ABCB11: variants seen among roughly 807,000 people sequenced by gnomAD.
The protein encoded by ABCB11 is bile salt export pump.
A neutral mutation model predicts 148.0 loss-of-function variants in ABCB11; 95 were observed. The ratio of observed to expected loss-of-function variants is 0.64; its 90% CI spans 0.54 to 0.76. The LOEUF (loss-of-function observed/expected upper bound fraction) is 0.76, where lower values mean the gene tolerates loss of function less well. Ranked by LOEUF, ABCB11 falls within the 30% of genes least tolerant of loss-of-function variation. The probability of loss-of-function intolerance (pLI) is 0.00; values close to 1 mark genes in which losing one functional copy is unlikely to be tolerated. For synonymous variants in ABCB11, 591 were observed against 555.4 expected (o/e 1.06, Z -0.90); for missense variants, 1,523 against 1,617.8 (o/e 0.94, Z 1.01).
rs1693922258 is a variant in ABCB11 at position 168,976,703 on chromosome 2, A to G, written c.1198-16T>C. 2.6e-6 allele frequency: 4 copies of G among 1,511,176 alleles called. No individual in the cohort carries two copies. In the African/African-American group the frequency reaches 5.5e-5, roughly 21 times the overall value. 93.6% of individuals were successfully genotyped at this position (1,511,176 alleles called of 1,614,324 possible). On this transcript the variant is annotated splice_polypyrimidine_tract_variant and intron_variant, in intron 11 of 27. Transcript: ENST00000650372. Reference sequence around the variant, plus strand: ...TGATGGGTTTCTGGAGTGAAATACAAAAGGGACACAGTGTAAACTCAAACT... The same window carrying G: ...TGATGGGTTTCTGGAGTGAAATACAGAAGGGACACAGTGTAAACTCAAACT...
intron 17 of ABCB11, among the ~76,000 whole-genome samples, chr2:168,967,086 G>A (rs1313383348): frequency 6.6e-6 from 1 of 151,834 alleles, no homozygotes; most frequent in African/African-American, 2.4e-5. Context: ...CTTTAACCTA[G>A]TGACCAAAAG....
chr2:168,963,772 A>G (rs552560510), intron 18 of ABCB11, among the ~76,000 whole-genome samples: 1 of 151,948 alleles, frequency 6.6e-6, no homozygotes, highest in African/African-American at 2.4e-5. Flanking sequence ...CTATTCAAAC[A>G]CTTTTGTTGA....
At chr2:168,967,852 A>G (rs1474016600) in intron 17 of ABCB11, among the ~76,000 whole-genome samples, 2 of 151,960 alleles carry the variant, frequency 1.3e-5, no homozygotes, top group African/African-American at 4.8e-5. Flanking sequence ...ATACTCCAAA[A>G]ATATATTTTG....
At chr2:168,969,299 T>A (rs1333421103) in intron 16 of ABCB11, 51 bp downstream of exon 16, 1 of 1,493,730 alleles carries the variant, frequency 6.7e-7, no homozygotes, top group Admixed American at 1.9e-5. Flanking sequence ...TAAAGCACTA[T>A]AGACATTAAC....
intron 6 of ABCB11, 29 bp from the exon 7 acceptor site, chr2:168,995,511 T>C (rs1694684864): frequency 6.3e-7 from 1 of 1,590,516 alleles, no homozygotes; most frequent in Non-Finnish European, 8.5e-7. Context: ...ATGTTTAGCA[T>C]TGCAATGTTT....
At chr2:168,954,785 G>A (rs1293721274) in intron 19 of ABCB11, among the ~76,000 whole-genome samples, 1 of 151,614 alleles carries the variant, frequency 6.6e-6, no homozygotes, top group East Asian at 1.9e-4. Context: ...AGACTTGGGA[G>A]GTTGTTATTG....
At chr2:168,918,949 A>T (rs1052028005), downstream of ABCB11, among the ~76,000 whole-genome samples, 12 of 152,120 alleles carry the variant, frequency 7.9e-5, no homozygotes, top group Non-Finnish European at 1.8e-4. Flanking sequence ...TCAATGAAAG[A>T]TATATATGTA....
chr2:168,936,953 A>T (rs1284185825), intron 21 of ABCB11, among the ~76,000 whole-genome samples: 2 of 152,098 alleles, frequency 1.3e-5, no homozygotes, highest in Admixed American at 6.6e-5. Flanking sequence ...CAGTGGCATA[A>T]TTATGGCTCA....
chr2:168,927,340 T>C lies in ABCB11; in HGVS notation c.3434A>G (p.Lys1145Arg). 1 of 1,613,854 alleles carries C rather than the reference T, an allele frequency of 6.2e-7. No individual in the cohort carries two copies. ...GKVMIDGHDS[K>R]KVNVQFLRSN... ...GCGGAGGAACTGGACATTTACTTTT[T>C]TGCTGTCATGACCATCTATCATCTG... The change falls in exon 26 of 28, where the codon AAA (lysine) becomes AGA (arginine). Residue 1145 changes from lysine (K) to arginine (R), a missense_variant. Physicochemically the swap from Lys to Arg is conservative, Grantham distance 26 (BLOSUM62 2). Coordinates refer to ENST00000650372, the MANE Select transcript of ABCB11 (RefSeq NM_003742.4).
intron 5 of ABCB11, among the ~76,000 whole-genome samples, chr2:169,008,021 T>C (rs940706461): frequency 6.6e-6 from 1 of 152,182 alleles, no homozygotes; most frequent in Non-Finnish European, 1.5e-5. Context: ...TGAATAGATA[T>C]TTTTCTGAAG....
intron 10 of ABCB11, among the ~76,000 whole-genome samples, chr2:168,982,152 A>G (rs1208423638): frequency 6.6e-6 from 1 of 152,104 alleles, no homozygotes; most frequent in East Asian, 1.9e-4. Context: ...ACTGCTGTGG[A>G]ACAATTAAGC....
chr2:168,994,530 T>TA (rs893025139), intron 7 of ABCB11, among the ~76,000 whole-genome samples: 2 of 151,992 alleles, frequency 1.3e-5, no homozygotes, highest in African/African-American at 4.8e-5. Flanking sequence ...CCCCAATGGG[T>TA]AATAATGAGG....
Position 168,995,389 on chromosome 2 carries a change from C to G in ABCB11, c.571G>C (p.Asp191His), listed in dbSNP as rs1429566051. ...TTCAGCTCCCCCACTGAATTGCAGT[C>G]AAACCACCCTATTTCCATTCTCATT... Reference protein sequence around the residue: ...RIMRMEIGWFDCNSVGELNTR... With the variant: ...RIMRMEIGWFHCNSVGELNTR... Residue 191 changes from aspartate to histidine, a missense_variant, in exon 7 of 28, where the codon GAC becomes CAC. Asp to His is a moderately conservative substitution (Grantham distance 81, BLOSUM62 -1). Coordinates refer to ENST00000650372, the MANE Select transcript of ABCB11 (RefSeq NM_003742.4). The G allele has an allele frequency of 1.2e-6, 2 of 1,612,366 alleles. No homozygotes were observed. The highest frequency in any genetic ancestry group is 2.7e-5 in the African/African-American group (2 of 74,792).
intron 7 of ABCB11, 127 bp downstream of exon 7, chr2:168,995,222 G>T (rs1013492700): frequency 8.2e-5 from 92 of 1,126,566 alleles, no homozygotes; most frequent in Non-Finnish European, 1.1e-4. Context: ...TGCCACATAT[G>T]AAAGCCCAAT....
chr2:168,956,257 C>T (rs1017880294), intron 19 of ABCB11, among the ~76,000 whole-genome samples: 1 of 151,644 alleles, frequency 6.6e-6, no homozygotes, highest in African/African-American at 2.4e-5. Context: ...GATCCAATTA[C>T]CTCCCACCAG....
rs760920706 is a variant in ABCB11, at chr2:169,013,381, C to T, written c.280G>A (p.Asp94Asn). 124 of 1,613,644 alleles carry T rather than the reference C, an allele frequency of 7.7e-5. 3 individuals are homozygous for T. The South Asian group carries it at 1.2e-3, about 16-fold the overall frequency. Residue 94 changes from aspartate (D) to asparagine (N), a missense_variant, in exon 5 of 28, where the codon GAC (aspartate) becomes AAC (asparagine). Coordinates refer to ENST00000650372, the MANE Select transcript of ABCB11 (RefSeq NM_003742.4). ...GTMTDVFIDYDVELQELQIPG... is the reference protein window; with the variant it reads ...GTMTDVFIDYNVELQELQIPG... ...ATCTGGAGTTCTTGTAACTCAACGT[C>T]GTAGTCAATAAAAACATCTGTCATT...
chr2:168,957,443 G>A (rs114596828), intron 19 of ABCB11, among the ~76,000 whole-genome samples: 1 of 151,648 alleles, frequency 6.6e-6, no homozygotes, highest in Non-Finnish European at 1.5e-5. Flanking sequence ...TGAAAAATTG[G>A]AATAAGCTTA....
chr2:168,966,302 C>A (rs1249890482), intron 17 of ABCB11, among the ~76,000 whole-genome samples: 3 of 151,900 alleles, frequency 2.0e-5, no homozygotes, highest in Non-Finnish European at 4.4e-5. Context: ...CAACATATGA[C>A]TGACTACCTT....
At chr2:169,014,236 C>CGTG in intron 4 of ABCB11, 67 bp downstream of exon 4, 2 of 1,087,926 alleles carry the variant, frequency 1.8e-6, no homozygotes, top group Non-Finnish European at 2.8e-6. Context: ...AGATTTAACA[C>CGTG]TCCCCTCATG....
Sources: gnomAD v4.1 joint callset for allele counts (sites outside exome capture counted in the v4.1 genomes callset) on GRCh38, gnomAD v4.1.1 for gene constraint, MANE v1.5 for transcripts, NCBI Gene and HGNC (gene_info 2026-07-23, HGNC 2026-07-21) for gene names.